SNX29: variants seen among roughly 807,000 people sequenced by gnomAD.
The protein encoded by SNX29 is sorting nexin 29, also known as sorting nexin-29.
Under a neutral mutation model 102.1 loss-of-function variants are expected in SNX29, and 78 were observed. The ratio of observed to expected loss-of-function variants is 0.76; its 90% CI spans 0.64 to 0.92. The LOEUF (loss-of-function observed/expected upper bound fraction) is 0.92, where lower values mean the gene tolerates loss of function less well. Among genes scored for constraint, SNX29 ranks in the 40% least tolerant of loss-of-function variants. The pLI is 0.00. For missense variants in SNX29, 1,280 were observed against 1,061.7 expected, an observed-to-expected ratio of 1.21 and a Z score of -2.86; for synonymous variants, 580 against 414.5, an observed-to-expected ratio of 1.40 and a Z score of -4.85.
chr16:12,256,187 A>G (rs79064265), intron 14 of SNX29, among the ~76,000 whole-genome samples: 2,719 of 152,160 alleles, frequency 0.018, 99 homozygotes, highest in African/African-American at 0.062. Context: ...AGAAATGTCT[A>G]TTTGCATCCT....
At chr16:12,406,285 AT>A (rs2084163231) in intron 18 of SNX29, among the ~76,000 whole-genome samples, 1 of 152,248 alleles carries the variant, frequency 6.6e-6, no homozygotes, top group Admixed American at 6.5e-5. Context: ...AAATGTGGTT[AT>A]TTGGATAATT....
At chr16:12,309,471 C>T (rs190954610) in intron 15 of SNX29, among the ~76,000 whole-genome samples, 1 of 152,286 alleles carries the variant, frequency 6.6e-6, no homozygotes, top group East Asian at 1.9e-4. Context: ...CTCTTGGCCC[C>T]TCTGTCTCAT....
intron 7 of SNX29, 142 bp downstream of exon 7, chr16:12,048,762 C>T (rs1006044312): frequency 1.8e-5 from 26 of 1,408,052 alleles, no homozygotes; most frequent in South Asian, 2.4e-5. Flanking sequence ...TTCTGTTTCT[C>T]ATCCTCATTC....
At position 12,140,463 on chromosome 16, in the gene SNX29, G is replaced by A. The variant is rs140658733; in HGVS notation, c.1595+10705G>A. ...CTTTCCCTCACCTGAACTCCGTGGA[G>A]CAGGAACAAGGATGGAGGAGAGTTT... On this transcript the variant is annotated intron_variant, in intron 13 of 20. Coordinates refer to ENST00000566228, the MANE Select transcript of SNX29 (RefSeq NM_032167.5). Among the ~76,000 whole-genome samples the A allele has an allele frequency of 3.2e-3, 487 of 152,366 alleles. 4 individuals carry two copies. The highest frequency in any genetic ancestry group is 0.011 in the African/African-American group (454 of 41,588).
intron 3 of SNX29, among the ~76,000 whole-genome samples, chr16:12,014,927 G>A (rs2056797449): frequency 6.6e-6 from 1 of 151,956 alleles, no homozygotes; most frequent in African/African-American, 2.4e-5. Flanking sequence ...AGTTATCACT[G>A]TTGCAAAGCA....
chr16:12,204,751 C>T (rs551725376), intron 14 of SNX29, among the ~76,000 whole-genome samples: 10 of 152,358 alleles, frequency 6.6e-5, no homozygotes, highest in Non-Finnish European at 7.3e-5. Flanking sequence ...TCTGGTGTGT[C>T]GTGTCTTTGC....
chr16:12,280,464 G>A (rs1179554206), intron 15 of SNX29, among the ~76,000 whole-genome samples: 1 of 152,188 alleles, frequency 6.6e-6, no homozygotes, highest in East Asian at 1.9e-4. Flanking sequence ...CAAACGGGAG[G>A]GCTCAAGGTT....
At chr16:12,437,625 T>C (rs1427850038) in intron 18 of SNX29, among the ~76,000 whole-genome samples, 2 of 152,278 alleles carry the variant, frequency 1.3e-5, no homozygotes, top group Middle Eastern at 3.4e-3. Flanking sequence ...CTCTTGACCC[T>C]GGCTCCTTCC....
chr16:12,318,841 C>A (rs1242029609), intron 15 of SNX29, among the ~76,000 whole-genome samples: 1 of 152,136 alleles, frequency 6.6e-6, no homozygotes, highest in Non-Finnish European at 1.5e-5. Flanking sequence ...CCTCTAGAGA[C>A]CTAAGTGATC....
intron 4 of SNX29, among the ~76,000 whole-genome samples, chr16:12,034,177 C>T (rs1013658869): frequency 1.8e-4 from 27 of 152,190 alleles, no homozygotes; most frequent in African/African-American, 6.5e-4. Flanking sequence ...TATTTTGCTT[C>T]ATTGGGTCAC....
At position 12,509,302 on chromosome 16, in the gene SNX29, T is replaced by C. The variant is rs573976149; in HGVS notation, c.2179-15400T>C. Among the ~76,000 whole-genome samples, 70 of 152,248 alleles carry C rather than the reference T, an allele frequency of 4.6e-4. 1 individual carries two copies. The South Asian group carries it at 5.0e-3, about 11-fold the overall frequency. ...CAAGGGAAGGGCACCAGGCATGCCATCTGTCAGCCCAGCGAGCCCCTCAGC... is the reference window on the plus strand; with the variant it reads ...CAAGGGAAGGGCACCAGGCATGCCACCTGTCAGCCCAGCGAGCCCCTCAGC... On this transcript the variant is annotated intron_variant, in intron 19 of 20. Coordinates refer to ENST00000566228, the MANE Select transcript of SNX29 (RefSeq NM_032167.5).
At chr16:12,539,401 A>G (rs2077222387) in intron 20 of SNX29, among the ~76,000 whole-genome samples, 1 of 152,190 alleles carries the variant, frequency 6.6e-6, no homozygotes. Flanking sequence ...ATGTGTGAGA[A>G]CCGTCAAGTC....
chr16:11,987,078 T>C (rs1250033066), intron 1 of SNX29, among the ~76,000 whole-genome samples: 1 of 152,148 alleles, frequency 6.6e-6, no homozygotes, highest in East Asian at 1.9e-4. Flanking sequence ...CTGTCTTATT[T>C]TTTTGAGACA....
intron 11 of SNX29, chr16:12,087,353 G>T (rs12929862): frequency 0.2 from 32,635 of 161,072 alleles, 3,372 homozygotes; most frequent in Admixed American, 0.26. Context: ...GGAGGCGGAG[G>T]TTGCAATGAG....
intron 16 of SNX29, among the ~76,000 whole-genome samples, chr16:12,364,563 A>G (rs1316231443): frequency 1.3e-5 from 2 of 152,112 alleles, no homozygotes; most frequent in African/African-American, 4.8e-5. Flanking sequence ...TTGAGTAAGA[A>G]ATGGAGACAG....
intron 15 of SNX29, among the ~76,000 whole-genome samples, chr16:12,300,794 G>A (rs1377480451): frequency 6.6e-6 from 1 of 152,182 alleles, no homozygotes; most frequent in Non-Finnish European, 1.5e-5. Flanking sequence ...TTTGCTGTGG[G>A]AGGCTGTTCC....
chr16:12,227,965 G>A (rs541590834), intron 14 of SNX29, among the ~76,000 whole-genome samples: 4 of 144,906 alleles, frequency 2.8e-5, no homozygotes, highest in East Asian at 2.2e-4. Flanking sequence ...TAGTGGACTC[G>A]TCACCTGGGA....
At chr16:12,535,966 C>G (rs563759482) in intron 20 of SNX29, among the ~76,000 whole-genome samples, 1 of 152,246 alleles carries the variant, frequency 6.6e-6, no homozygotes, top group East Asian at 1.9e-4. Context: ...AGAGCTTTGA[C>G]CCCGGCTGAG....
rs1219272364 is a variant in SNX29, at chr16:12,357,710, CT to C, written c.1899+1432del. Among the ~76,000 whole-genome samples, 12 of 152,318 alleles carry C rather than the reference CT, an allele frequency of 7.9e-5. No individual in the cohort carries two copies. The East Asian group carries it at 1.9e-3, about 24-fold the overall frequency. On this transcript the variant is annotated intron_variant, in intron 16 of 20. Transcript: ENST00000566228. The stretch of plus-strand genomic sequence containing the variant: ...AGTCAGTGCCTGCTCCCCACTCCCC[CT>C]AGCCCTTGGCGACCATTCTACTTTG...
Sources: allele counts gnomAD v4.1 joint callset (sites outside exome capture counted in the v4.1 genomes callset), GRCh38; gene constraint gnomAD v4.1.1; transcripts MANE v1.5; gene names NCBI Gene and HGNC (gene_info 2026-07-23, HGNC 2026-07-21).